Variants in LPGAT1 observed in about 807,000 individuals in gnomAD.
LPGAT1 encodes acyl-CoA:lysophosphatidylglycerol acyltransferase 1.
A neutral mutation model predicts 47.5 loss-of-function variants in LPGAT1; 11 were observed. The ratio of observed to expected loss-of-function variants is 0.23; its 90% CI spans 0.15 to 0.38. LPGAT1 has a LOEUF of 0.38. Among genes scored for constraint, LPGAT1 ranks in the 10% least tolerant of loss-of-function variants. The probability of loss-of-function intolerance (pLI) is 1.00; values close to 1 mark genes in which losing one functional copy is unlikely to be tolerated. For synonymous variants in LPGAT1, 138 were observed against 144.2 expected (o/e 0.96, Z 0.31); for missense variants, 293 against 439.0 (o/e 0.67, Z 2.97).
At chr1:211,783,988 G>A (rs1406377512) in intron 4 of LPGAT1, among the ~76,000 whole-genome samples, 1 of 152,214 alleles carries the variant, frequency 6.6e-6, no homozygotes, top group Non-Finnish European at 1.5e-5. Flanking sequence ...TGACATTTGA[G>A]CAGAACTGAT....
intron 6 of LPGAT1, among the ~76,000 whole-genome samples, chr1:211,774,095 C>T (rs774236860): frequency 8.6e-6 from 1 of 116,866 alleles, no homozygotes; most frequent in Admixed American, 8.9e-5. Context: ...AATAATGGTG[C>T]TTTATATTTA....
At chr1:211,771,211 A>G (rs902204261) in intron 6 of LPGAT1, among the ~76,000 whole-genome samples, 1 of 152,090 alleles carries the variant, frequency 6.6e-6, no homozygotes, top group Non-Finnish European at 1.5e-5. Context: ...CACTACAGTG[A>G]TATGATGTAC....
intron 2 of LPGAT1, among the ~76,000 whole-genome samples, chr1:211,800,225 T>C (rs563747402): frequency 1.3e-5 from 2 of 149,644 alleles, no homozygotes; most frequent in Non-Finnish European, 3.0e-5. Context: ...TTAGTAGAGA[T>C]AGGGTTTCAT....
intron 3 of LPGAT1, among the ~76,000 whole-genome samples, chr1:211,788,577 G>C (rs1558269244): frequency 6.6e-6 from 1 of 152,000 alleles, no homozygotes; most frequent in Non-Finnish European, 1.5e-5. Context: ...AGCTACTCGG[G>C]AGGTTGAGGC....
chr1:211,821,709 G>C lies in LPGAT1; in HGVS notation c.238+7350C>G, dbSNP rs556193752. Among the ~76,000 whole-genome samples, 13 of 152,222 alleles carry C rather than the reference G, an allele frequency of 8.5e-5. 1 individual carries two copies. In the South Asian group the frequency reaches 1.2e-3, roughly 15 times the overall value. The stretch of plus-strand genomic sequence containing the variant: ...ATTGGGTGAGGAAGAAGAGAAAGGG[G>C]AAGACACAAGGATTAAAAAGAGTTT... On this transcript the variant is annotated intron_variant, in intron 2 of 7. Coordinates refer to ENST00000366997, the MANE Select transcript of LPGAT1 (RefSeq NM_014873.3).
At chr1:211,829,438 C>T (rs1463062651) in intron 1 of LPGAT1, 115 bp from the exon 2 acceptor site, 3 of 1,478,042 alleles carry the variant, frequency 2.0e-6, no homozygotes, top group East Asian at 2.4e-5. Context: ...CGAAGCTTTC[C>T]GGGTGTAGTA....
intron 2 of LPGAT1, among the ~76,000 whole-genome samples, chr1:211,826,341 A>G (rs1283127031): frequency 6.6e-6 from 1 of 152,186 alleles, no homozygotes; most frequent in Non-Finnish European, 1.5e-5. Context: ...TAAAAATAAA[A>G]TTTAGTTTTC....
Position 211,825,768 on chromosome 1 carries a change from G to A in LPGAT1, c.238+3291C>T, listed in dbSNP as rs773467295. 7.3e-4 allele frequency among the ~76,000 whole-genome samples: 111 copies of A among 152,282 alleles called. 5 individuals carry two copies. The highest frequency in any genetic ancestry group is 4.1e-4 in the Non-Finnish European group (28 of 68,026). On this transcript the variant is annotated intron_variant, in intron 2 of 7. Coordinates refer to ENST00000366997, the MANE Select transcript of LPGAT1 (RefSeq NM_014873.3). ...AAGGTCAGGAGTTTGAGACCAGCCT[G>A]GCCAACATAGTGAAACCCCCATCTC...
rs372838994 is a variant in LPGAT1 at position 211,829,902 on chromosome 1, GA to G, written c.-27-580del. 2.2e-4 allele frequency: 219 copies of G among 984,072 alleles called. 3 individuals carry two copies. The South Asian group carries it at 8.3e-3, about 37-fold the overall frequency. 61.0% of individuals were successfully genotyped at this position (984,072 alleles called of 1,614,324 possible). On this transcript the variant is annotated intron_variant, in intron 1 of 7. Transcript: ENST00000366997. ...TTTAAGAAAAAAAATGGGGGGCCTA[GA>G]AAAAAAGCTTACAAGGTGAGAGGAA...
At chr1:211,770,969 T>C (rs2102517718) in intron 6 of LPGAT1, among the ~76,000 whole-genome samples, 1 of 152,002 alleles carries the variant, frequency 6.6e-6, no homozygotes, top group East Asian at 1.9e-4. Flanking sequence ...TGGTGGCACA[T>C]GCCTATAATC....
At chr1:211,808,148 C>A (rs1376917173) in intron 2 of LPGAT1, among the ~76,000 whole-genome samples, 1 of 151,994 alleles carries the variant, frequency 6.6e-6, no homozygotes, top group Non-Finnish European at 1.5e-5. Context: ...GAGTTCGAGA[C>A]CAGCCTGACC....
chr1:211,829,307 G>T lies in LPGAT1; in HGVS notation c.-11C>A, dbSNP rs781528844. ...CAAAGTTATAGCCATTCTCACACTGGACTCCGTCCTGTCTTTCTGGGGTGA... is the reference window on the plus strand; with the variant it reads ...CAAAGTTATAGCCATTCTCACACTGTACTCCGTCCTGTCTTTCTGGGGTGA... On this transcript the variant is annotated 5_prime_UTR_variant, in exon 2 of 8. Transcript: ENST00000366997. 6.2e-6 allele frequency: 10 copies of T among 1,613,856 alleles called. 1 individual carries two copies. In the South Asian group the frequency reaches 1.1e-4, roughly 18 times the overall value.
chr1:211,774,177 C>A, intron 6 of LPGAT1, among the ~76,000 whole-genome samples: 1 of 87,342 alleles, frequency 1.1e-5, no homozygotes, highest in South Asian at 3.9e-4. Flanking sequence ...ATCTGTTGCT[C>A]AGGCTGGAGT....
At chr1:211,766,246 A>C (rs2102510185) in intron 6 of LPGAT1, among the ~76,000 whole-genome samples, 1 of 152,220 alleles carries the variant, frequency 6.6e-6, no homozygotes, top group Admixed American at 6.5e-5. Context: ...CTTGGACCGG[A>C]ACGACACCAC....
intron 3 of LPGAT1, among the ~76,000 whole-genome samples, chr1:211,788,109 T>C (rs1658960696): frequency 6.6e-6 from 1 of 152,380 alleles, no homozygotes; most frequent in East Asian, 1.9e-4. Flanking sequence ...AACAAGACTA[T>C]ATATTTAATG....
chr1:211,761,027 T>C (rs1201538880), intron 6 of LPGAT1, among the ~76,000 whole-genome samples: 2 of 152,216 alleles, frequency 1.3e-5, no homozygotes, highest in African/African-American at 4.8e-5. Context: ...TTGCAGCCTA[T>C]GTAGCGCTTT....
Position 211,830,676 on chromosome 1 carries a change from C to T in LPGAT1, c.-131G>A. 8.4e-7 allele frequency: 1 copy of T among 1,192,040 alleles called. No individual in the cohort carries two copies. The highest frequency in any genetic ancestry group is 1.0e-6 in the Non-Finnish European group (1 of 964,752). 73.8% of individuals were successfully genotyped at this position (1,192,040 alleles called of 1,614,324 possible). On this transcript the variant is annotated 5_prime_UTR_variant, in exon 1 of 8. Coordinates refer to ENST00000366997, the MANE Select transcript of LPGAT1 (RefSeq NM_014873.3). The surrounding 1 kb of genome is among the most constrained non-coding windows in gnomAD (Gnocchi z 5.9). Reference sequence around the variant, plus strand: ...GGAAGAAGGCGGTGGCGGGGCCCTGCCCCGCTCCGGCTGTGGCGCGGCCCG... The same window carrying T: ...GGAAGAAGGCGGTGGCGGGGCCCTGTCCCGCTCCGGCTGTGGCGCGGCCCG...
Position 211,783,511 on chromosome 1 carries a change from T to G in LPGAT1, c.454-9A>C. 6.2e-7 allele frequency: 1 copy of G among 1,609,140 alleles called. No individual in the cohort carries two copies. Among genetic ancestry groups the G allele is most frequent in the Non-Finnish European group, 8.5e-7 (1 of 1,176,886 alleles). ...TCACGATAAGATCTTCCCTAGAAGG[T>G]ACACACACACGTAATAAGTACAGGT... is the stretch of plus-strand genomic sequence containing the variant. On this transcript the variant is annotated splice_polypyrimidine_tract_variant and intron_variant, in intron 4 of 7. Transcript: ENST00000366997.
intron 2 of LPGAT1, among the ~76,000 whole-genome samples, chr1:211,820,628 A>G (rs1660336613): frequency 6.6e-6 from 1 of 152,068 alleles, no homozygotes; most frequent in Non-Finnish European, 1.5e-5. Context: ...TGCAGAAAAC[A>G]CAGTAAAAGA....
Sources: gnomAD v4.1 joint callset for allele counts (sites outside exome capture counted in the v4.1 genomes callset) on GRCh38, gnomAD v4.1.1 for gene constraint, Gnocchi (gnomAD v3.1) non-coding constraint, MANE v1.5 for transcripts, NCBI Gene and HGNC (gene_info 2026-07-23, HGNC 2026-07-21) for gene names.